The following UTP6 variants were observed in gnomAD, a reference collection of about 807,000 sequenced individuals.
UTP6 encodes the protein U3 small nucleolar RNA-associated protein 6 homolog.
UTP6 carries 60 observed loss-of-function variants against 96.5 expected under a neutral mutation model. The ratio of observed to expected loss-of-function variants is 0.62; its 90% CI spans 0.51 to 0.77. UTP6 has a LOEUF of 0.77. Ranked by LOEUF, UTP6 falls within the 30% of genes least tolerant of loss-of-function variation. The pLI, the probability that UTP6 is intolerant of heterozygous loss-of-function variation, is 0.00. For missense variants in UTP6, 637 were observed against 706.5 expected (o/e 0.90, Z 1.12); for synonymous variants, 215 against 240.1 (o/e 0.90, Z 0.96).
chr17:31,880,456 T>A, intron 11 of UTP6, 117 bp downstream of exon 11: 1 of 1,248,658 alleles, frequency 8.0e-7, no homozygotes. Context: ...AGGCTCATCG[T>A]AAACTATGTT....
chr17:31,899,697 GT>G lies in UTP6; in HGVS notation c.125del (p.Tyr42SerfsTer26). 6.2e-7 allele frequency: 1 copy of G among 1,604,636 alleles called. No individual in the cohort carries two copies. The highest frequency in any genetic ancestry group is 2.2e-5 in the East Asian group (1 of 44,522). On this transcript the variant is annotated frameshift_variant, in exon 2 of 19. Coordinates refer to ENST00000261708, the MANE Select transcript of UTP6 (RefSeq NM_018428.3). LOFTEE classifies it high-confidence loss of function. Reference protein sequence around the residue: ...AIIKKASDLEYKIQRRTLFKE... With the variant: ...AIIKKASDLEXKIQRRTLFKE... ...TGAAAAGGGTTCTTCTCTGGATTTT[GT>G]ACTCTAGATCGGAAGCCTTCTTAAT...
intron 17 of UTP6, among the ~76,000 whole-genome samples, chr17:31,867,092 A>G (rs539755875): frequency 5.5e-4 from 84 of 152,260 alleles, no homozygotes; most frequent in African/African-American, 2.0e-3. Flanking sequence ...TGGGAAGCTT[A>G]GAATTAAGTG....
At chr17:31,893,753 A>G (rs942220306) in intron 4 of UTP6, among the ~76,000 whole-genome samples, 8 of 151,170 alleles carry the variant, frequency 5.3e-5, no homozygotes, top group East Asian at 2.0e-4. Flanking sequence ...AAAAAAAAAA[A>G]AAGAAGCAGA....
At chr17:31,880,397 G>A (rs1041695417) in intron 11 of UTP6, 176 bp downstream of exon 11, 32 of 704,544 alleles carry the variant, frequency 4.5e-5, no homozygotes, top group Non-Finnish European at 6.3e-5. Context: ...CTCCAGCCAG[G>A]GTGACAGAAC....
rs570719231 is a variant in UTP6, at chr17:31,884,247, C to G, written c.785+177G>C. Among the ~76,000 whole-genome samples the G allele has an allele frequency of 7.8e-4, 118 of 152,210 alleles. 2 individuals are homozygous for G. The highest frequency in any genetic ancestry group is 9.0e-4 in the Non-Finnish European group (61 of 68,022). ...TCCTGACCTCTGGTGATCCACCCACCTCAGTCTCCCAAAGTGCTGGGATTA... is the reference window on the plus strand; with the variant it reads ...TCCTGACCTCTGGTGATCCACCCACGTCAGTCTCCCAAAGTGCTGGGATTA... On this transcript the variant is annotated intron_variant, in intron 10 of 18. Transcript: ENST00000261708.
At chr17:31,881,252 T>G (rs1910820781) in intron 10 of UTP6, among the ~76,000 whole-genome samples, 1 of 151,320 alleles carries the variant, frequency 6.6e-6, no homozygotes, top group African/African-American at 2.4e-5. Flanking sequence ...GGATCAGAAT[T>G]GTCCCACTTT....
At chr17:31,864,789 C>CT (rs796908868) in intron 18 of UTP6, among the ~76,000 whole-genome samples, 2,097 of 144,468 alleles carry the variant, frequency 0.015, 34 homozygotes, top group African/African-American at 0.047. Flanking sequence ...TACCCAGTTA[C>CT]TTTTTTTTTT....
intron 11 of UTP6, 67 bp from the exon 12 acceptor site, chr17:31,878,848 T>G: frequency 6.8e-7 from 1 of 1,464,594 alleles, no homozygotes; most frequent in South Asian, 1.2e-5. Flanking sequence ...TCAAAGTTAT[T>G]AAAAGATAAG....
At position 31,868,118 on chromosome 17, in the gene UTP6, A is replaced by G; in HGVS notation, c.1497-6T>C. ...ATGGTCGGCTCTCCTGTAAACTAAA[A>G]AGGAAGGAGAAAACGTTATCTTCAA... On this transcript the variant is annotated splice_polypyrimidine_tract_variant and splice_region_variant and intron_variant, in intron 16 of 18. Transcript: ENST00000261708. 1 of 1,610,794 alleles carries G rather than the reference A, an allele frequency of 6.2e-7. No homozygotes were observed.
intron 10 of UTP6, among the ~76,000 whole-genome samples, chr17:31,881,500 C>A (rs1910839567): frequency 6.6e-6 from 1 of 151,920 alleles, no homozygotes; most frequent in African/African-American, 2.4e-5. Flanking sequence ...AACTCTTGAC[C>A]TCAAGTGATC....
intron 16 of UTP6, among the ~76,000 whole-genome samples, chr17:31,870,697 G>T (rs1401018911): frequency 2.0e-5 from 3 of 151,174 alleles, no homozygotes; most frequent in Non-Finnish European, 2.9e-5. Flanking sequence ...AATTTTTTTT[G>T]TATTTTTAGT....
intron 16 of UTP6, among the ~76,000 whole-genome samples, chr17:31,868,943 T>C (rs1170649739): frequency 6.6e-6 from 1 of 151,968 alleles, no homozygotes; most frequent in Non-Finnish European, 1.5e-5. Context: ...AAACCCTGCC[T>C]CTACTAAAAA....
Position 31,892,943 on chromosome 17 carries a change from C to G in UTP6, c.313-149G>C, listed in dbSNP as rs1335475035. 1.1e-5 allele frequency: 10 copies of G among 871,336 alleles called. 1 individual carries two copies. The Admixed American group carries it at 2.4e-4, about 21-fold the overall frequency. The allele number at this position is 871,336 out of a possible 1,614,324, so 54.0% of individuals were successfully genotyped here. ...ATCCCACCACTTTGTGAAGCCGAAG[C>G]GGGCGGATCACTTGAGGTCAGGAGA... On this transcript the variant is annotated intron_variant, in intron 4 of 18. Coordinates refer to ENST00000261708, the MANE Select transcript of UTP6 (RefSeq NM_018428.3).
At position 31,897,282 on chromosome 17, in the gene UTP6, GA is replaced by G. The variant is rs745925222; in HGVS notation, c.178-2272del. 8.8e-4 allele frequency among the ~76,000 whole-genome samples: 129 copies of G among 146,006 alleles called. 1 individual carries two copies. Among genetic ancestry groups the G allele is most frequent in the Admixed American group, 4.1e-4 (6 of 14,612 alleles). ...TGGGCAAGAGTGAGTGTATTATTTG[GA>G]AAAAAAAAAATCTATTTTTGACATA... On this transcript the variant is annotated intron_variant, in intron 2 of 18. Transcript: ENST00000261708.
intron 6 of UTP6, among the ~76,000 whole-genome samples, chr17:31,891,679 T>C (rs1911499913): frequency 6.6e-6 from 1 of 152,146 alleles, no homozygotes; most frequent in South Asian, 2.1e-4. Context: ...TGCCTCCAAA[T>C]AAAATGTCCC....
intron 8 of UTP6, 139 bp downstream of exon 8, chr17:31,887,097 T>C: frequency 1.5e-6 from 1 of 680,436 alleles, no homozygotes; most frequent in Non-Finnish European, 2.4e-6. Flanking sequence ...CACTCCAGCC[T>C]GTGTGACAGA....
intron 9 of UTP6, among the ~76,000 whole-genome samples, chr17:31,885,543 A>G (rs1276061131): frequency 6.6e-6 from 1 of 151,624 alleles, no homozygotes; most frequent in South Asian, 2.1e-4. Context: ...TAATCCCAAC[A>G]CTTTGGGAGG....
intron 5 of UTP6, 24 bp downstream of exon 5, chr17:31,892,723 C>A: frequency 6.2e-7 from 1 of 1,613,882 alleles, no homozygotes; most frequent in Non-Finnish European, 8.5e-7. Flanking sequence ...TCAGAGGAAG[C>A]AAGACATGCA....
intron 17 of UTP6, among the ~76,000 whole-genome samples, 197 bp downstream of exon 17, chr17:31,867,849 C>G (rs34787070): frequency 0.022 from 3,336 of 151,798 alleles, 128 homozygotes; most frequent in African/African-American, 0.076. Flanking sequence ...CCAGCTACTC[C>G]GGGGGGCTGA....
Sources: allele counts gnomAD v4.1 joint callset (sites outside exome capture counted in the v4.1 genomes callset), GRCh38; gene constraint gnomAD v4.1.1; transcripts MANE v1.5; gene names NCBI Gene and HGNC (gene_info 2026-07-23, HGNC 2026-07-21).